The following KCNK2 variants were observed in gnomAD, a reference collection of about 807,000 sequenced individuals.
The protein encoded by KCNK2 is potassium channel subfamily K member 2.
KCNK2 carries 21 observed loss-of-function variants against 40.5 expected under a neutral mutation model. The ratio of observed to expected loss-of-function variants is 0.52; its 90% CI spans 0.37 to 0.75. KCNK2 has a LOEUF of 0.75. KCNK2 is among the 30% of genes least tolerant of loss of function. The pLI is 0.00. For synonymous variants in KCNK2, 191 were observed against 202.2 expected (o/e 0.94, Z 0.47); for missense variants, 399 against 531.6 (o/e 0.75, Z 2.45).
At chr1:215,132,005 G>A (rs570030882) in intron 3 of KCNK2, among the ~76,000 whole-genome samples, 39 of 152,010 alleles carry the variant, frequency 2.6e-4, no homozygotes, top group Admixed American at 1.2e-3. Flanking sequence ...AAGTAATTAC[G>A]AAAACAAAAC....
chr1:215,084,209 C>G (rs1010757581), intron 1 of KCNK2, among the ~76,000 whole-genome samples: 1 of 134,270 alleles, frequency 7.4e-6, no homozygotes, highest in Admixed American at 7.8e-5. Context: ...CACACACACA[C>G]ACACACACAC....
chr1:215,058,300 C>T (rs74533295), intron 1 of KCNK2, among the ~76,000 whole-genome samples: 4,801 of 152,258 alleles, frequency 0.032, 100 homozygotes, highest in Middle Eastern at 0.088. Flanking sequence ...AGGATTGCAC[C>T]TTGCACTTCT....
At position 215,234,996 on chromosome 1, in the gene KCNK2, A is replaced by G. The variant is rs538604401; in HGVS notation, c.1132A>G (p.Thr378Ala). ...GGCTGGAAACCACAATCAGGAGCTG[A>G]CTCCTTGTAGGAGGACCCTGTCAGT... ...ELAGNHNQELTPCRRTLSVNH... is the reference protein window; with the variant it reads ...ELAGNHNQELAPCRRTLSVNH... Residue 378 changes from threonine (T) to alanine (A), a missense_variant, in exon 7 of 7, where the codon ACT becomes GCT. Around this residue, in one of 3 missense-constraint regions of KCNK2, gnomAD observed 103 missense variants for 124.3 expected, o/e 0.83. Transcript: ENST00000444842. The G allele has an allele frequency of 6.2e-7, 1 of 1,613,200 alleles. No individual in the cohort carries two copies. Among genetic ancestry groups the G allele is most frequent in the South Asian group, 1.1e-5 (1 of 91,022 alleles).
intron 3 of KCNK2, among the ~76,000 whole-genome samples, chr1:215,162,068 C>T (rs1331887961): frequency 2.0e-5 from 3 of 152,160 alleles, no homozygotes; most frequent in Non-Finnish European, 4.4e-5. Context: ...TCCTATTTCT[C>T]CACAGCCTCT....
intron 1 of KCNK2, among the ~76,000 whole-genome samples, chr1:215,025,594 C>T (rs34443503): frequency 0.26 from 39,590 of 151,760 alleles, 5,925 homozygotes; most frequent in South Asian, 0.53. Context: ...CATACATATA[C>T]ACATATATGT....
intron 3 of KCNK2, among the ~76,000 whole-genome samples, chr1:215,138,485 G>C (rs1454652993): frequency 6.6e-6 from 1 of 152,112 alleles, no homozygotes; most frequent in Non-Finnish European, 1.5e-5. Flanking sequence ...TATAGACCAG[G>C]TACAGCGGCT....
intron 3 of KCNK2, among the ~76,000 whole-genome samples, chr1:215,131,387 A>G (rs1386679510): frequency 6.8e-6 from 1 of 147,110 alleles, no homozygotes; most frequent in African/African-American, 2.5e-5. Flanking sequence ...TTATTGATAT[A>G]GTAATATGTA....
chr1:215,083,486 A>G, intron 1 of KCNK2, 55 bp downstream of exon 1: 1 of 1,344,670 alleles, frequency 7.4e-7, no homozygotes, highest in Non-Finnish European at 1.1e-6. Context: ...CTCCTGCCCC[A>G]GCCTTTTCTG....
At chr1:215,097,126 C>T (rs1468219410) in intron 2 of KCNK2, among the ~76,000 whole-genome samples, 1 of 151,684 alleles carries the variant, frequency 6.6e-6, no homozygotes, top group East Asian at 1.9e-4. Flanking sequence ...CCTGCAGGTA[C>T]TAAGAATAGT....
intron 3 of KCNK2, among the ~76,000 whole-genome samples, chr1:215,154,490 A>T (rs1355308205): frequency 6.6e-6 from 1 of 152,094 alleles, no homozygotes; most frequent in Non-Finnish European, 1.5e-5. Context: ...GACCTTTGTC[A>T]GATGGGTAGA....
chr1:215,205,580 A>T (rs1303467737), intron 6 of KCNK2, among the ~76,000 whole-genome samples: 1 of 152,058 alleles, frequency 6.6e-6, no homozygotes, highest in African/African-American at 2.4e-5. Flanking sequence ...GTGCCTCAAG[A>T]TCTTCTTGCC....
intron 6 of KCNK2, among the ~76,000 whole-genome samples, chr1:215,202,551 A>T (rs1306507263): frequency 6.6e-6 from 1 of 152,132 alleles, no homozygotes; most frequent in Non-Finnish European, 1.5e-5. Context: ...GACCCTAATT[A>T]TGTCTCTATG....
intron 3 of KCNK2, among the ~76,000 whole-genome samples, chr1:215,139,444 C>A (rs1254781632): frequency 6.6e-6 from 1 of 152,076 alleles, no homozygotes; most frequent in Non-Finnish European, 1.5e-5. Context: ...TTTCATGAAT[C>A]CCATGTTGAT....
chr1:215,041,301 T>C (rs1657553155), intron 1 of KCNK2, among the ~76,000 whole-genome samples: 1 of 152,178 alleles, frequency 6.6e-6, no homozygotes, highest in Non-Finnish European at 1.5e-5. Flanking sequence ...CTTCCAGAAG[T>C]TGTAATAAAA....
intron 1 of KCNK2, among the ~76,000 whole-genome samples, chr1:215,049,395 C>A (rs1401964173): frequency 6.6e-6 from 1 of 152,024 alleles, no homozygotes; most frequent in Non-Finnish European, 1.5e-5. Context: ...AGATACTAGT[C>A]CACTGTCAGA....
intron 1 of KCNK2, among the ~76,000 whole-genome samples, chr1:215,023,377 T>C (rs1656880472): frequency 6.6e-6 from 1 of 152,214 alleles, no homozygotes; most frequent in Admixed American, 6.5e-5. Context: ...CATAACTGAA[T>C]GTGCCAGTTC....
chr1:215,192,376 T>G (rs1287507650), intron 5 of KCNK2, among the ~76,000 whole-genome samples: 1 of 152,190 alleles, frequency 6.6e-6, no homozygotes, highest in East Asian at 1.9e-4. Context: ...ACTTGTGGGT[T>G]GAACATTTTA....
At chr1:215,196,702 G>A (rs1187370104) in intron 6 of KCNK2, among the ~76,000 whole-genome samples, 3 of 151,906 alleles carry the variant, frequency 2.0e-5, no homozygotes, top group Admixed American at 2.0e-4. Flanking sequence ...TGTGTGTGGG[G>A]GCGGTGGGAG....
chr1:215,209,460 T>TTATA (rs1163047907), intron 6 of KCNK2, among the ~76,000 whole-genome samples: 1 of 4,280 alleles, frequency 2.3e-4, no homozygotes, highest in Non-Finnish European at 7.4e-4. Flanking sequence ...ATATTATATA[T>TTATA]TATATATAAT....
Sources: allele counts gnomAD v4.1 joint callset (sites outside exome capture counted in the v4.1 genomes callset), GRCh38; gene constraint gnomAD v4.1.1; regional missense constraint gnomAD v4.1.1; transcripts MANE v1.5; gene names NCBI Gene and HGNC (gene_info 2026-07-23, HGNC 2026-07-21).